The following COLEC11 variants were observed in gnomAD, a reference collection of about 807,000 sequenced individuals.
COLEC11 encodes the protein collectin-11.
Under a neutral mutation model 27.3 loss-of-function variants are expected in COLEC11, and 20 were observed. That is an observed-to-expected ratio of 0.73 (90% CI 0.51 to 1.06). The LOEUF is 1.06. COLEC11 is among the 50% of genes least tolerant of loss of function. The pLI, the probability that COLEC11 is intolerant of heterozygous loss-of-function variation, is 0.00. For synonymous variants in COLEC11, 163 were observed against 154.7 expected, an observed-to-expected ratio of 1.05 and a Z score of -0.40; for missense variants, 310 against 383.0, an observed-to-expected ratio of 0.81 and a Z score of 1.59.
At chr2:3,599,920 T>G (rs1251266075) in intron 1 of COLEC11, among the ~76,000 whole-genome samples, 1 of 152,188 alleles carries the variant, frequency 6.6e-6, no homozygotes, top group Non-Finnish European at 1.5e-5. Context: ...AGACTATGGA[T>G]ACTGTGCTGT....
At chr2:3,606,115 G>A in intron 2 of COLEC11, 1 of 1,550,604 alleles carries the variant, frequency 6.4e-7, no homozygotes, top group East Asian at 2.4e-5. Flanking sequence ...GTTTGTGAGT[G>A]GAACCTTCAG....
intron 3 of COLEC11, among the ~76,000 whole-genome samples, chr2:3,616,257 C>T (rs1350082281): frequency 1.3e-5 from 2 of 149,972 alleles, no homozygotes; most frequent in Non-Finnish European, 3.0e-5. Flanking sequence ...CGGGAAGAGG[C>T]GCTCCTCACT....
chr2:3,599,643 G>A (rs1662081264), intron 1 of COLEC11, among the ~76,000 whole-genome samples: 1 of 152,232 alleles, frequency 6.6e-6, no homozygotes, highest in Admixed American at 6.5e-5. Context: ...CCAAGGTGCT[G>A]GTAAGTGGTT....
chr2:3,643,617 G>GTGCCCACGCC, intron 6 of COLEC11, 78 bp downstream of exon 6: 4 of 1,597,144 alleles, frequency 2.5e-6, no homozygotes, highest in Non-Finnish European at 3.4e-6. Flanking sequence ...GGGCTCTGCC[G>GTGCCCACGCC]TGCCCACGCC....
At chr2:3,616,980 G>A (rs974344012) in intron 3 of COLEC11, among the ~76,000 whole-genome samples, 8 of 152,178 alleles carry the variant, frequency 5.3e-5, no homozygotes, top group African/African-American at 1.7e-4. Context: ...GTCAACAGAC[G>A]CGTAGGTTGT....
At chr2:3,629,760 G>C (rs1664836228) in intron 3 of COLEC11, among the ~76,000 whole-genome samples, 1 of 152,180 alleles carries the variant, frequency 6.6e-6, no homozygotes, top group Non-Finnish European at 1.5e-5. Context: ...ACAAAGCCAG[G>C]CCACGGGTCC....
intron 1 of COLEC11, among the ~76,000 whole-genome samples, chr2:3,598,354 G>A (rs1662002081): frequency 6.6e-6 from 1 of 152,214 alleles, no homozygotes; most frequent in African/African-American, 2.4e-5. Flanking sequence ...TTGGAAACAC[G>A]GAAACACCAC....
chr2:3,607,862 C>T (rs527651815), intron 2 of COLEC11, among the ~76,000 whole-genome samples: 103 of 152,354 alleles, frequency 6.8e-4, no homozygotes, highest in African/African-American at 1.9e-3. Context: ...TGACACCTGA[C>T]GGCCTGTCTG....
At position 3,644,446 on chromosome 2, in the gene COLEC11, AGTT is replaced by A; in HGVS notation, c.*329_*331del. 1 of 536,620 alleles carries A rather than the reference AGTT, an allele frequency of 1.9e-6. No individual in the cohort carries two copies. Among genetic ancestry groups the A allele is most frequent in the South Asian group, 1.5e-5 (1 of 65,218 alleles). 33.2% of individuals were successfully genotyped at this position (536,620 alleles called of 1,614,324 possible). On this transcript the variant is annotated 3_prime_UTR_variant, in exon 7 of 7. Coordinates refer to ENST00000349077, the MANE Select transcript of COLEC11 (RefSeq NM_024027.5). The stretch of plus-strand genomic sequence containing the variant: ...CAATAAAATCTTTAAGTAGTGCAGT[AGTT>A]AAGTCCAAATAGTGGCAATGGGGTC...
At chr2:3,595,593 C>A (rs1482496694) in intron 1 of COLEC11, among the ~76,000 whole-genome samples, 1 of 152,210 alleles carries the variant, frequency 6.6e-6, no homozygotes, top group Non-Finnish European at 1.5e-5. Context: ...GCCACGACTG[C>A]CCCCAGGGAC....
At chr2:3,604,589 A>C (rs748061960) in intron 2 of COLEC11, 119 bp downstream of exon 2, 124 of 1,116,954 alleles carry the variant, frequency 1.1e-4, no homozygotes, top group Non-Finnish European at 1.6e-4. Flanking sequence ...TGCTTACCCC[A>C]TTGGGTCTCA....
At chr2:3,632,514 A>G (rs1665095052) in intron 3 of COLEC11, among the ~76,000 whole-genome samples, 1 of 152,116 alleles carries the variant, frequency 6.6e-6, no homozygotes, top group African/African-American at 2.4e-5. Flanking sequence ...ATGCATGCAC[A>G]ATCCCGGCCT....
rs1220535988 is a variant in COLEC11 at position 3,644,310 on chromosome 2, C to CT, written c.*193dup. ...GGAAAATGAAAGTGTTCCTGGGGTG[C>CT]TGTCTCTGAAGAAGCAGAGTTTCAT... is the stretch of plus-strand genomic sequence containing the variant. On this transcript the variant is annotated 3_prime_UTR_variant, in exon 7 of 7. Coordinates refer to ENST00000349077, the MANE Select transcript of COLEC11 (RefSeq NM_024027.5). The CT allele has an allele frequency of 8.0e-6, 6 of 745,764 alleles. No individual in the cohort carries two copies. The highest frequency in any genetic ancestry group is 1.7e-5 in the African/African-American group (1 of 57,942). 46.2% of individuals were successfully genotyped at this position (745,764 alleles called of 1,614,324 possible).
chr2:3,616,757 AGGGAGAGGGAGACCGTG>A (rs935918725), intron 3 of COLEC11, among the ~76,000 whole-genome samples: 1 of 146,980 alleles, frequency 6.8e-6, no homozygotes, highest in African/African-American at 2.7e-5. Flanking sequence ...GTGGAAAGAG[AGGGAGAGGGAGACCGTG>A]GGGAGAGGGA....
intron 3 of COLEC11, among the ~76,000 whole-genome samples, chr2:3,621,189 A>G (rs909917911): frequency 6.6e-5 from 10 of 152,148 alleles, no homozygotes; most frequent in Admixed American, 1.3e-4. Flanking sequence ...TTTGCTTTAC[A>G]TATTTAGGTG....
chr2:3,643,833 G>C lies in COLEC11; in HGVS notation c.531G>C (p.Leu177=). 6.2e-7 allele frequency: 1 copy of C among 1,613,560 alleles called. No homozygotes were observed. The highest frequency in any genetic ancestry group is 8.5e-7 in the Non-Finnish European group (1 of 1,179,996). ...CCTGCCAGGGCCGCGGGGGCACGCT[G>C]AGCATGCCCAAGGACGAGGCTGCCA... ...QLSCQGRGGT[L]SMPKDEAANG... Residue 177 remains leucine, a synonymous_variant, in exon 7 of 7, where the codon CTG becomes CTC. Transcript: ENST00000349077.
chr2:3,635,280 T>C (rs1307860098), intron 3 of COLEC11, among the ~76,000 whole-genome samples: 1 of 151,994 alleles, frequency 6.6e-6, no homozygotes, highest in African/African-American at 2.4e-5. Context: ...CAACACTGCC[T>C]CCTGGGTGTC....
At chr2:3,612,633 C>G (rs1663307301) in intron 2 of COLEC11, among the ~76,000 whole-genome samples, 1 of 152,024 alleles carries the variant, frequency 6.6e-6, no homozygotes, top group Admixed American at 6.5e-5. Context: ...GGGGAGAAGA[C>G]TGGAGTGGAG....
At position 3,644,157 on chromosome 2, in the gene COLEC11, C is replaced by T; in HGVS notation, c.*39C>T. 2 of 1,601,134 alleles carry T rather than the reference C, an allele frequency of 1.2e-6. No individual in the cohort carries two copies. Among genetic ancestry groups the T allele is most frequent in the South Asian group, 1.1e-5 (1 of 90,978 alleles). On this transcript the variant is annotated 3_prime_UTR_variant, in exon 7 of 7. Transcript: ENST00000349077. ...GCTGCCCATTGGGGGCCCCACATGT[C>T]CCTGCAGGGTTGGCAGGGACAGAGC... is the stretch of plus-strand genomic sequence containing the variant.
Sources: allele counts gnomAD v4.1 joint callset (sites outside exome capture counted in the v4.1 genomes callset), GRCh38; gene constraint gnomAD v4.1.1; transcripts MANE v1.5; gene names NCBI Gene and HGNC (gene_info 2026-07-23, HGNC 2026-07-21).